The following XPO6 variants were observed in gnomAD, a reference collection of about 807,000 sequenced individuals.
The protein encoded by XPO6 is exportin 6, also known as exportin-6.
In XPO6, 3 loss-of-function variants were observed where a neutral mutation model predicts 130.0. The ratio of observed to expected loss-of-function variants is 0.02; its 90% CI spans 0.01 to 0.06. The LOEUF is 0.06. XPO6 is among the 10% of genes least tolerant of loss of function. The probability of loss-of-function intolerance (pLI) is 1.00; values close to 1 mark genes in which losing one functional copy is unlikely to be tolerated. For synonymous variants in XPO6, 524 were observed against 548.9 expected (o/e 0.95, Z 0.63); for missense variants, 970 against 1,393.0 (o/e 0.70, Z 4.83).
rs752234666 is a variant in XPO6 at position 28,104,702 on chromosome 16, G to A, written c.2790C>T (p.Pro930=). Residue 930 remains proline (P), a synonymous_variant, in exon 21 of 24, where the codon CCC becomes CCT. Transcript: ENST00000304658. ...ACAGCTCGGCCTTCACATCAGGGGA[G>A]GGACGCTGCAAAGACACACAGACGC... The part of the protein sequence containing the change: ...EQVYPIIAER[P]SPDVKAELFE... 7 of 1,613,896 alleles carry A rather than the reference G, an allele frequency of 4.3e-6. No homozygotes were observed. In the South Asian group the frequency reaches 6.6e-5, roughly 15 times the overall value.
At chr16:28,146,605 CCAATGCTCTTTCCATTACAAACCATTACG>C (rs1191987608) in intron 8 of XPO6, among the ~76,000 whole-genome samples, 1 of 152,300 alleles carries the variant, frequency 6.6e-6, no homozygotes, top group African/African-American at 2.4e-5. Context: ...TTACCCCCAG[CCAATGCTCTTTCCATTACAAACCATTACG>C]AAAGCAAAAA....
intron 1 of XPO6, among the ~76,000 whole-genome samples, chr16:28,184,842 T>C (rs904300729): frequency 3.1e-4 from 47 of 152,090 alleles, no homozygotes; most frequent in African/African-American, 1.1e-3. Flanking sequence ...CTGGTGGGAG[T>C]ATACACTGGT....
chr16:28,176,259 G>C (rs2043531954), intron 3 of XPO6, among the ~76,000 whole-genome samples, 164 bp from the exon 4 acceptor site: 1 of 152,142 alleles, frequency 6.6e-6, no homozygotes, highest in Non-Finnish European at 1.5e-5. Flanking sequence ...CAAATCTTAG[G>C]ACACAACAGT....
chr16:28,131,933 AG>A (rs1045864570), intron 12 of XPO6, among the ~76,000 whole-genome samples: 50 of 152,332 alleles, frequency 3.3e-4, no homozygotes, highest in African/African-American at 1.1e-3. Flanking sequence ...TGCAGGGGGC[AG>A]GGGGACCACA....
intron 6 of XPO6, among the ~76,000 whole-genome samples, chr16:28,159,906 C>T (rs187404843): frequency 6.6e-6 from 1 of 152,184 alleles, no homozygotes; most frequent in Admixed American, 6.5e-5. Flanking sequence ...TAAAACCTGG[C>T]CGGGCACAGT....
chr16:28,211,746 C>T lies in XPO6; in HGVS notation c.-378G>A, dbSNP rs533131555. The T allele has an allele frequency of 3.1e-3, 1,054 of 345,184 alleles. 8 individuals are homozygous for T. Among genetic ancestry groups the T allele is most frequent in the African/African-American group, 0.021 (995 of 46,852 alleles). The allele number at this position is 345,184 out of a possible 1,614,324, so 21.4% of individuals were successfully genotyped here. A position where few individuals can be genotyped will look rare whatever the true frequency, so the allele number is the denominator to read the frequency against. On this transcript the variant is annotated 5_prime_UTR_variant, in exon 1 of 24. Transcript: ENST00000304658. Reference sequence around the variant, plus strand: ...TCCGCGGGCAGAGGTGGCGGCGGCCCCGGCCCCGAGGCTGAACGGGCGGAG... The same window carrying T: ...TCCGCGGGCAGAGGTGGCGGCGGCCTCGGCCCCGAGGCTGAACGGGCGGAG...
At chr16:28,104,180 C>T (rs993614661) in intron 21 of XPO6, among the ~76,000 whole-genome samples, 5 of 152,190 alleles carry the variant, frequency 3.3e-5, no homozygotes, top group African/African-American at 9.6e-5. Context: ...GGCCCTCCTG[C>T]GGAGACTCAT....
chr16:28,133,444 T>C (rs1346097377), intron 11 of XPO6, among the ~76,000 whole-genome samples: 1 of 152,150 alleles, frequency 6.6e-6, no homozygotes, highest in Non-Finnish European at 1.5e-5. Context: ...AATCAATCCT[T>C]ACAACTAAAG....
At chr16:28,209,891 C>G (rs1396006023) in intron 1 of XPO6, among the ~76,000 whole-genome samples, 1 of 152,100 alleles carries the variant, frequency 6.6e-6, no homozygotes, top group Non-Finnish European at 1.5e-5. Context: ...GTAATCCCAG[C>G]ACTTTGGGAG....
chr16:28,175,509 G>A (rs2043520320), intron 4 of XPO6, among the ~76,000 whole-genome samples: 1 of 152,086 alleles, frequency 6.6e-6, no homozygotes, highest in Admixed American at 6.6e-5. Context: ...TGCCACCATA[G>A]CACTCTGCAT....
chr16:28,205,341 T>C (rs573493224), intron 1 of XPO6, among the ~76,000 whole-genome samples: 17 of 152,204 alleles, frequency 1.1e-4, no homozygotes, highest in Admixed American at 6.5e-5. Context: ...TTTGTTGCTA[T>C]ATATGTGACC....
intron 7 of XPO6, among the ~76,000 whole-genome samples, chr16:28,155,114 T>C (rs899906184): frequency 1.3e-5 from 2 of 152,216 alleles, no homozygotes; most frequent in African/African-American, 4.8e-5. Context: ...CACTACAACT[T>C]TCAACTTTAT....
intron 6 of XPO6, among the ~76,000 whole-genome samples, chr16:28,159,657 G>A (rs568560598): frequency 2.6e-5 from 4 of 152,368 alleles, no homozygotes; most frequent in African/African-American, 9.6e-5. Context: ...TAGGAATTAA[G>A]AGGGTGCGCT....
Position 28,101,257 on chromosome 16 carries a change from A to G in XPO6, c.3276+201T>C. 1.5e-6 allele frequency: 1 copy of G among 660,660 alleles called. No individual in the cohort carries two copies. Among genetic ancestry groups the G allele is most frequent in the Non-Finnish European group, 2.7e-6 (1 of 363,850 alleles). The allele number at this position is 660,660 out of a possible 1,614,324, so 40.9% of individuals were successfully genotyped here. On this transcript the variant is annotated intron_variant, in intron 23 of 23. Coordinates refer to ENST00000304658, the MANE Select transcript of XPO6 (RefSeq NM_015171.4). This position sits in a 1 kb window ranked among gnomAD's most constrained non-coding sequence, Gnocchi z 5.4. ...GAGACTAAGAACATACGTGCTACAG[A>G]CACCAAGACTGGGGAAAAGGCTGTG...
chr16:28,133,937 T>C lies in XPO6; in HGVS notation c.1444-4A>G, dbSNP rs373265908. On this transcript the variant is annotated splice_region_variant and splice_polypyrimidine_tract_variant and intron_variant, in intron 10 of 23. Coordinates refer to ENST00000304658, the MANE Select transcript of XPO6 (RefSeq NM_015171.4). ...ACCGCTGCCACTCCGTCTGCTGCTGTAGGGGAAGCACAGGAGAATCAGCTC... is the reference window on the plus strand; with the variant it reads ...ACCGCTGCCACTCCGTCTGCTGCTGCAGGGGAAGCACAGGAGAATCAGCTC... The C allele has an allele frequency of 1.6e-5, 26 of 1,613,806 alleles. No homozygotes were observed. The South Asian group carries it at 1.9e-4, about 12-fold the overall frequency.
chr16:28,146,762 C>T (rs1313536458), intron 8 of XPO6, among the ~76,000 whole-genome samples: 1 of 152,212 alleles, frequency 6.6e-6, no homozygotes, highest in Non-Finnish European at 1.5e-5. Flanking sequence ...ACCCTCAGGG[C>T]ATTATCCCAT....
intron 6 of XPO6, among the ~76,000 whole-genome samples, chr16:28,161,311 G>C (rs558384510): frequency 2.0e-5 from 3 of 152,252 alleles, no homozygotes; most frequent in South Asian, 4.1e-4. Flanking sequence ...GGACTTCCAG[G>C]GGTCCCCAGA....
chr16:28,117,782 T>TGG (rs1567600702), intron 14 of XPO6, among the ~76,000 whole-genome samples: 1 of 152,234 alleles, frequency 6.6e-6, no homozygotes. Context: ...AGTGATCATG[T>TGG]GTTGACTTCA....
At chr16:28,191,118 A>G (rs1193741302) in intron 1 of XPO6, among the ~76,000 whole-genome samples, 1 of 152,220 alleles carries the variant, frequency 6.6e-6, no homozygotes, top group Non-Finnish European at 1.5e-5. Context: ...AAAAGGATAC[A>G]ATAGGAAAGA....
Sources: gnomAD v4.1 joint callset for allele counts (sites outside exome capture counted in the v4.1 genomes callset) on GRCh38, gnomAD v4.1.1 for gene constraint, Gnocchi (gnomAD v3.1) non-coding constraint, MANE v1.5 for transcripts, NCBI Gene and HGNC (gene_info 2026-07-23, HGNC 2026-07-21) for gene names.